The following TBPL2 variants were observed in gnomAD, a reference collection of about 807,000 sequenced individuals.
TBPL2 encodes the protein TATA-box binding protein like 2.
In TBPL2, 40 loss-of-function variants were observed where a neutral mutation model predicts 38.2. The observed-to-expected ratio is 1.05, with a 90% CI of 0.81 to 1.36. The LOEUF is 1.36. TBPL2 is among the 40% of genes most tolerant of loss of function. TBPL2 has a pLI of 0.00. For missense variants in TBPL2, 461 were observed against 456.7 expected, an observed-to-expected ratio of 1.01 and a Z score of -0.09; for synonymous variants, 169 against 171.7, an observed-to-expected ratio of 0.98 and a Z score of 0.12.
At chr14:55,437,186 T>C (rs1302508098) in intron 1 of TBPL2, among the ~76,000 whole-genome samples, 168 bp from the exon 2 acceptor site, 3 of 152,196 alleles carry the variant, frequency 2.0e-5, no homozygotes, top group Non-Finnish European at 4.4e-5. Context: ...CCATTAAGAT[T>C]CTACTACAGG....
At chr14:55,435,804 T>A in intron 3 of TBPL2, 43 bp downstream of exon 3, 1 of 1,318,066 alleles carries the variant, frequency 7.6e-7, no homozygotes, top group South Asian at 1.3e-5. Flanking sequence ...AAAGTAAATC[T>A]AAAGAGAAGC....
intron 4 of TBPL2, among the ~76,000 whole-genome samples, chr14:55,432,442 A>AACAAAAAAAAAAAAC (rs144188761): frequency 1.3e-4 from 20 of 149,164 alleles, no homozygotes; most frequent in African/African-American, 4.5e-4. Flanking sequence ...ATAAACAAAC[A>AACAAAAAAAAAAAAC]ACAAAAAAAA....
exon 6 of TBPL2, chr14:55,424,251 T>C: frequency 1.2e-6 from 2 of 1,605,036 alleles, no homozygotes; most frequent in Non-Finnish European, 1.7e-6. Flanking sequence ...TTCAGGCTCG[T>C]AACTGTTAAG....
At chr14:55,425,008 A>G (rs1885799695) in intron 5 of TBPL2, among the ~76,000 whole-genome samples, 1 of 152,214 alleles carries the variant, frequency 6.6e-6, no homozygotes, top group South Asian at 2.1e-4. Flanking sequence ...AATATAAGAA[A>G]AAAAGACATC....
chr14:55,414,693 A>G (rs2140161098), intron 6 of TBPL2, among the ~76,000 whole-genome samples: 1 of 152,306 alleles, frequency 6.6e-6, no homozygotes, highest in Admixed American at 6.5e-5. Context: ...CTTTGCTCAC[A>G]CAGTGCTCAG....
chr14:55,418,650 A>T (rs907072225), intron 6 of TBPL2, among the ~76,000 whole-genome samples: 1 of 152,236 alleles, frequency 6.6e-6, no homozygotes, highest in African/African-American at 2.4e-5. Context: ...AGAAGCACAG[A>T]TGTTGAGCTG....
At position 55,414,465 on chromosome 14, in the gene TBPL2, A is replaced by T. The variant is rs1184195803; in HGVS notation, c.1052-10T>A. The T allele has an allele frequency of 2.5e-6, 4 of 1,583,934 alleles. No individual in the cohort carries two copies. In the East Asian group the frequency reaches 9.0e-5, roughly 36 times the overall value. The stretch of plus-strand genomic sequence containing the variant: ...GAACGTTCTTTGGCACCTATAAAGA[A>T]ATCCAGGTTTATATAATTTTTAATA... On this transcript the variant is annotated splice_polypyrimidine_tract_variant and intron_variant, in intron 6 of 6. Transcript: ENST00000247219.
intron 2 of TBPL2, among the ~76,000 whole-genome samples, chr14:55,436,354 C>T (rs574852795): frequency 2.0e-4 from 30 of 152,216 alleles, no homozygotes; most frequent in African/African-American, 5.1e-4. Context: ...AAGTCCCCTC[C>T]GCCCACCTTA....
intron 3 of TBPL2, 59 bp from the exon 4 acceptor site, chr14:55,433,780 G>GA (rs1885972289): frequency 6.8e-7 from 1 of 1,478,550 alleles, no homozygotes; most frequent in African/African-American, 1.4e-5. Flanking sequence ...TATCCCAGTT[G>GA]AAAAAGCCGA....
intron 3 of TBPL2, among the ~76,000 whole-genome samples, chr14:55,435,551 G>A (rs1296632324): frequency 6.6e-6 from 1 of 152,150 alleles, no homozygotes; most frequent in Non-Finnish European, 1.5e-5. Flanking sequence ...TGGGATTACA[G>A]GAGTGAGCCA....
intron 5 of TBPL2, among the ~76,000 whole-genome samples, chr14:55,427,141 A>G (rs137867962): frequency 6.6e-6 from 1 of 152,356 alleles, no homozygotes; most frequent in Admixed American, 6.5e-5. Flanking sequence ...AGGCTTTATT[A>G]GGAAATCTGC....
chr14:55,439,883 A>G (rs1273873410), intron 1 of TBPL2, among the ~76,000 whole-genome samples: 1 of 142,258 alleles, frequency 7.0e-6, no homozygotes, highest in Non-Finnish European at 1.5e-5. Context: ...GTGAGCCGAG[A>G]TCGCGCCACT....
At chr14:55,415,238 C>T (rs891377585) in intron 6 of TBPL2, among the ~76,000 whole-genome samples, 1 of 152,076 alleles carries the variant, frequency 6.6e-6, no homozygotes, top group African/African-American at 2.4e-5. Flanking sequence ...ATTTTGTGGG[C>T]TGGAGGCAAG....
intron 5 of TBPL2, among the ~76,000 whole-genome samples, chr14:55,426,571 G>A (rs1003534119): frequency 8.5e-5 from 13 of 152,252 alleles, no homozygotes; most frequent in South Asian, 6.2e-4. Context: ...TGTTTTTAAT[G>A]TTCCCAGTGT....
chr14:55,426,370 A>G (rs1295737998), intron 5 of TBPL2, among the ~76,000 whole-genome samples: 2 of 152,228 alleles, frequency 1.3e-5, no homozygotes, highest in African/African-American at 4.8e-5. Flanking sequence ...GTGCCTGGTA[A>G]CAAAAGGAGA....
chr14:55,436,641 G>T, exon 2 of TBPL2: 2 of 1,614,072 alleles, frequency 1.2e-6, no homozygotes, highest in Non-Finnish European at 8.5e-7. Flanking sequence ...GAGACAAGGA[G>T]TCGGAGTTTG....
At chr14:55,428,304 T>C (rs1419673504) in intron 5 of TBPL2, among the ~76,000 whole-genome samples, 1 of 151,916 alleles carries the variant, frequency 6.6e-6, no homozygotes, top group Non-Finnish European at 1.5e-5. Flanking sequence ...TAATTTTTTG[T>C]ATTTTTAGTA....
At chr14:55,438,545 C>T (rs1370349834) in intron 1 of TBPL2, among the ~76,000 whole-genome samples, 2 of 152,184 alleles carry the variant, frequency 1.3e-5, no homozygotes, top group East Asian at 3.9e-4. Flanking sequence ...AAAGCTGCAA[C>T]AGTCAGTGTC....
At chr14:55,439,899 C>T (rs1275844959) in intron 1 of TBPL2, among the ~76,000 whole-genome samples, 2 of 132,470 alleles carry the variant, frequency 1.5e-5, no homozygotes, top group Non-Finnish European at 1.5e-5. Flanking sequence ...CCACTGCACT[C>T]CAGCCTGGGT....
Sources: allele counts gnomAD v4.1 joint callset (sites outside exome capture counted in the v4.1 genomes callset), GRCh38; gene constraint gnomAD v4.1.1; transcripts MANE v1.5; gene names NCBI Gene and HGNC (gene_info 2026-07-23, HGNC 2026-07-21).